The following MYO3B variants were observed in gnomAD, a reference collection of about 807,000 sequenced individuals.
MYO3B encodes myosin IIIB, also known as myosin-IIIb.
In MYO3B, 156 loss-of-function variants were observed where a neutral mutation model predicts 174.6. The ratio of observed to expected loss-of-function variants is 0.89; its 90% CI spans 0.78 to 1.02. The LOEUF (loss-of-function observed/expected upper bound fraction) is 1.02. Ranked by LOEUF, MYO3B falls within the 50% of genes least tolerant of loss-of-function variation. The pLI, the probability that MYO3B is intolerant of heterozygous loss-of-function variation, is 0.00. For missense variants in MYO3B, 1,632 were observed against 1,639.4 expected (o/e 1.00, Z 0.08); for synonymous variants, 563 against 569.1 (o/e 0.99, Z 0.15).
chr2:170,553,214 C>T (rs536070074), intron 32 of MYO3B, among the ~76,000 whole-genome samples: 1 of 152,242 alleles, frequency 6.6e-6, no homozygotes, highest in South Asian at 2.1e-4. Context: ...GGTTACTGTC[C>T]TCCAGACCCC....
chr2:170,642,299 A>C (rs905374795), intron 32 of MYO3B, among the ~76,000 whole-genome samples: 17 of 152,198 alleles, frequency 1.1e-4, no homozygotes, highest in Admixed American at 2.6e-4. Context: ...TTAACTAATA[A>C]GTAGAAAATT....
intron 32 of MYO3B, among the ~76,000 whole-genome samples, chr2:170,597,351 A>C (rs1251663730): frequency 6.6e-6 from 1 of 150,740 alleles, no homozygotes; most frequent in Non-Finnish European, 1.5e-5. Context: ...TTGAGCAACA[A>C]AGGGAGACTC....
chr2:170,283,003 G>A (rs1011055511), intron 7 of MYO3B, among the ~76,000 whole-genome samples: 1 of 152,136 alleles, frequency 6.6e-6, no homozygotes, highest in Non-Finnish European at 1.5e-5. Context: ...CCTCTGGGTG[G>A]ACTCAGGGGG....
chr2:170,416,674 C>T lies in MYO3B; in HGVS notation c.2650+8830C>T, dbSNP rs532631489. ...CAAAATCCTATGTGATCTGTCCCTG[C>T]CTGTATCTCTGTCCTCACTTCCTTG... On this transcript the variant is annotated intron_variant, in intron 22 of 34. Transcript: ENST00000408978. Among the ~76,000 whole-genome samples, 30 of 148,276 alleles carry T rather than the reference C, an allele frequency of 2.0e-4. No individual in the cohort carries two copies. The East Asian group carries it at 5.3e-3, about 26-fold the overall frequency.
intron 21 of MYO3B, among the ~76,000 whole-genome samples, chr2:170,406,549 A>G (rs1816673): frequency 0.92 from 140,168 of 152,056 alleles, 64,820 homozygotes; most frequent in Middle Eastern, 0.98. Flanking sequence ...TTAGCATATT[A>G]AGGTCCTCCT....
At chr2:170,543,045 C>G in intron 31 of MYO3B, 79 bp downstream of exon 31, 1 of 1,197,006 alleles carries the variant, frequency 8.4e-7, no homozygotes, top group Non-Finnish European at 1.2e-6. Flanking sequence ...TGAAGCTTGT[C>G]TGCGGCTGCG....
rs140062087 is a variant in MYO3B at position 170,543,705 on chromosome 2, T to C, written c.3637-187T>C. On this transcript the variant is annotated intron_variant, in intron 31 of 34. Transcript: ENST00000408978. ...AAAGATGTTAAGACTTGGCTTCTAA[T>C]TGCCCCAAGGAGAGGACCTCCATTC... 2.1e-3 allele frequency among the ~76,000 whole-genome samples: 324 copies of C among 152,318 alleles called. 1 individual carries two copies. The highest frequency in any genetic ancestry group is 3.8e-3 in the Non-Finnish European group (259 of 68,026).
At chr2:170,522,602 A>G (rs1688744731) in intron 30 of MYO3B, among the ~76,000 whole-genome samples, 1 of 152,138 alleles carries the variant, frequency 6.6e-6, no homozygotes, top group African/African-American at 2.4e-5. Flanking sequence ...AAAGGTTCCG[A>G]CTTCTCAGGC....
At chr2:170,566,116 A>G (rs1365250857) in intron 32 of MYO3B, among the ~76,000 whole-genome samples, 2 of 152,242 alleles carry the variant, frequency 1.3e-5, no homozygotes, top group Non-Finnish European at 2.9e-5. Context: ...CTTGGATTTT[A>G]AAGATGAAAA....
intron 30 of MYO3B, among the ~76,000 whole-genome samples, chr2:170,522,928 A>T (rs560439139): frequency 3.3e-5 from 5 of 152,128 alleles, no homozygotes; most frequent in Non-Finnish European, 7.3e-5. Flanking sequence ...AAATCAACTC[A>T]CTGCTTTCTT....
chr2:170,393,501 A>G (rs2094427184), intron 16 of MYO3B, among the ~76,000 whole-genome samples: 1 of 152,114 alleles, frequency 6.6e-6, no homozygotes, highest in African/African-American at 2.4e-5. Context: ...ACATTATGTC[A>G]TAGTTTCTGG....
intron 32 of MYO3B, among the ~76,000 whole-genome samples, chr2:170,604,733 C>T: frequency 6.6e-6 from 1 of 152,204 alleles, no homozygotes; most frequent in South Asian, 2.1e-4. Flanking sequence ...AATTTCCTTC[C>T]AGAAATGTGG....
intron 32 of MYO3B, among the ~76,000 whole-genome samples, chr2:170,631,087 T>C (rs140205917): frequency 0.13 from 20,044 of 152,144 alleles, 1,481 homozygotes; most frequent in East Asian, 0.32. Flanking sequence ...AGGCTTCAGA[T>C]GACCAAACTT....
At chr2:170,389,437 G>A (rs1045104793) in intron 14 of MYO3B, among the ~76,000 whole-genome samples, 6 of 152,202 alleles carry the variant, frequency 3.9e-5, no homozygotes, top group African/African-American at 1.4e-4. Context: ...CCATGGACAT[G>A]TACTCTGAGC....
At chr2:170,529,390 T>C (rs1319504263) in intron 30 of MYO3B, among the ~76,000 whole-genome samples, 2 of 152,164 alleles carry the variant, frequency 1.3e-5, no homozygotes, top group East Asian at 3.9e-4. Flanking sequence ...CAGTCTCCCT[T>C]AGACCTCTCC....
intron 32 of MYO3B, among the ~76,000 whole-genome samples, chr2:170,635,920 T>G (rs988181042): frequency 3.3e-5 from 5 of 152,206 alleles, no homozygotes; most frequent in African/African-American, 1.2e-4. Flanking sequence ...CAAATTACCT[T>G]AGAAAGTGAA....
chr2:170,246,614 G>A (rs573109584), intron 7 of MYO3B, among the ~76,000 whole-genome samples: 11 of 151,858 alleles, frequency 7.2e-5, no homozygotes, highest in Admixed American at 2.6e-4. Flanking sequence ...CACACTAGAA[G>A]AGGCAAGGAA....
chr2:170,330,179 C>A (rs969648047), intron 7 of MYO3B, among the ~76,000 whole-genome samples: 5 of 152,188 alleles, frequency 3.3e-5, no homozygotes, highest in Admixed American at 6.5e-5. Flanking sequence ...GGAAGCCCTT[C>A]TTAATTAACT....
Position 170,248,803 on chromosome 2 carries a change from C to T in MYO3B, c.749+12667C>T, listed in dbSNP as rs542947603. ...TTTTGTCAGCTGATTGGTAACCATA[C>T]CTGCATATAAACTTAATCCTCTCTT... On this transcript the variant is annotated intron_variant, in intron 7 of 34. Coordinates refer to ENST00000408978, the MANE Select transcript of MYO3B (RefSeq NM_138995.5). Among the ~76,000 whole-genome samples the T allele has an allele frequency of 9.4e-4, 143 of 152,292 alleles. 1 individual carries two copies. Among genetic ancestry groups the T allele is most frequent in the African/African-American group, 3.3e-3 (138 of 41,550 alleles).
Sources: allele counts gnomAD v4.1 joint callset (sites outside exome capture counted in the v4.1 genomes callset), GRCh38; gene constraint gnomAD v4.1.1; transcripts MANE v1.5; gene names NCBI Gene and HGNC (gene_info 2026-07-23, HGNC 2026-07-21).